SPECC1: variants seen among roughly 807,000 people sequenced by gnomAD.
SPECC1 encodes sperm antigen with calponin homology and coiled-coil domains 1, also known as cytospin-B.
In SPECC1, 62 loss-of-function variants were observed where a neutral mutation model predicts 104.1. That is an observed-to-expected ratio of 0.60 (90% CI 0.49 to 0.74). The LOEUF (loss-of-function observed/expected upper bound fraction) is 0.74, where lower values mean the gene tolerates loss of function less well. Ranked by LOEUF, SPECC1 falls within the 30% of genes least tolerant of loss-of-function variation. The pLI is 0.00. For synonymous variants in SPECC1, 513 were observed against 501.6 expected (o/e 1.02, Z -0.30); for missense variants, 1,306 against 1,310.5 (o/e 1.00, Z 0.05).
intron 12 of SPECC1, among the ~76,000 whole-genome samples, chr17:20,288,097 G>A (rs2041020383): frequency 6.6e-6 from 1 of 152,126 alleles, no homozygotes. Context: ...GGGGCTTCCA[G>A]CTCCATCCAT....
chr17:20,291,009 G>A (rs1214995825), intron 12 of SPECC1, among the ~76,000 whole-genome samples: 3 of 152,204 alleles, frequency 2.0e-5, no homozygotes, highest in African/African-American at 7.2e-5. Flanking sequence ...TGGAAAAGAA[G>A]GATTTAGCAA....
chr17:20,205,956 C>G, intron 4 of SPECC1, 44 bp downstream of exon 4: 1 of 1,559,410 alleles, frequency 6.4e-7, no homozygotes, highest in Non-Finnish European at 8.6e-7. Flanking sequence ...CATCCTTGTT[C>G]ACATTTCTGC....
chr17:20,082,331 T>C (rs941181692), intron 1 of SPECC1, among the ~76,000 whole-genome samples: 1 of 152,080 alleles, frequency 6.6e-6, no homozygotes, highest in Admixed American at 6.5e-5. Flanking sequence ...GAAGCAGACA[T>C]TGGAGTCAAA....
intron 1 of SPECC1, chr17:20,010,170 A>T (rs1452531863): frequency 6.7e-6 from 1 of 148,912 alleles, no homozygotes; most frequent in African/African-American, 2.5e-5. Context: ...TTCCTAAGGA[A>T]GTTTGACTCT....
intron 4 of SPECC1, among the ~76,000 whole-genome samples, chr17:20,221,633 T>C (rs1031535179): frequency 3.3e-5 from 5 of 152,162 alleles, no homozygotes; most frequent in African/African-American, 2.4e-5. Context: ...TGTATTTTTT[T>C]CATTAAAATT....
chr17:20,132,999 G>A (rs1157706134), intron 3 of SPECC1, among the ~76,000 whole-genome samples: 2 of 152,054 alleles, frequency 1.3e-5, no homozygotes, highest in African/African-American at 2.4e-5. Context: ...TCGGCCTCCC[G>A]AAGTTCTGGG....
chr17:20,295,120 A>G (rs1318111257), intron 12 of SPECC1, among the ~76,000 whole-genome samples: 2 of 151,226 alleles, frequency 1.3e-5, no homozygotes, highest in African/African-American at 4.9e-5. Flanking sequence ...TCCTGCACCC[A>G]TTAACTCATC....
intron 1 of SPECC1, among the ~76,000 whole-genome samples, chr17:20,038,617 G>A (rs546535694): frequency 6.6e-6 from 1 of 152,170 alleles, no homozygotes; most frequent in South Asian, 2.1e-4. Flanking sequence ...GGCCAGGCTG[G>A]TCTCGAACTC....
Position 20,257,551 on chromosome 17 carries a change from G to A in SPECC1, c.2781G>A (p.Gly927=). ...SLSRPPSLGF[G]DTRLLSASTR... Reference sequence around the variant, plus strand: ...GCAGACCCCCGTCTCTGGGCTTTGGGGACACAAGACTGCTGAGTGCTTCCA... The same window carrying A: ...GCAGACCCCCGTCTCTGGGCTTTGGAGACACAAGACTGCTGAGTGCTTCCA... The change falls in exon 11 of 15, where the codon GGG becomes GGA. Residue 927 remains glycine, a synonymous_variant. Coordinates refer to ENST00000395527, the MANE Select transcript of SPECC1 (RefSeq NM_001243439.2). The A allele has an allele frequency of 6.2e-7, 1 of 1,613,452 alleles. No individual in the cohort carries two copies. The highest frequency in any genetic ancestry group is 8.5e-7 in the Non-Finnish European group (1 of 1,179,862).
At chr17:20,083,600 C>G (rs2047064356) in intron 1 of SPECC1, among the ~76,000 whole-genome samples, 2 of 151,738 alleles carry the variant, frequency 1.3e-5, no homozygotes, top group Middle Eastern at 3.4e-3. Flanking sequence ...TTGCTGAGTA[C>G]TAGTCTAATG....
At chr17:20,093,726 G>GTTTTTT (rs10712428) in intron 1 of SPECC1, among the ~76,000 whole-genome samples, 2 of 143,478 alleles carry the variant, frequency 1.4e-5, no homozygotes, top group South Asian at 4.3e-4. Context: ...TTTTGTTTTT[G>GTTTTTT]TTTTTTGTTT....
rs138509415 is a variant in SPECC1, at chr17:20,166,110, C to T, written c.284-38223C>T. 9.2e-5 allele frequency among the ~76,000 whole-genome samples: 14 copies of T among 152,294 alleles called. No individual in the cohort carries two copies. The East Asian group carries it at 2.3e-3, about 25-fold the overall frequency. On this transcript the variant is annotated intron_variant, in intron 3 of 14. Coordinates refer to ENST00000395527, the MANE Select transcript of SPECC1 (RefSeq NM_001243439.2). Reference sequence around the variant, plus strand: ...AATAGTATCAGTTAAAAACACAATACACCACAGAGTGTCTTAAATGAGATA... The same window carrying T: ...AATAGTATCAGTTAAAAACACAATATACCACAGAGTGTCTTAAATGAGATA...
At chr17:20,222,839 C>T (rs966066498) in intron 4 of SPECC1, among the ~76,000 whole-genome samples, 1 of 152,150 alleles carries the variant, frequency 6.6e-6, no homozygotes, top group African/African-American at 2.4e-5. Context: ...GGGAAAGTCT[C>T]TATTTCTCTG....
intron 1 of SPECC1, among the ~76,000 whole-genome samples, chr17:20,071,647 T>C (rs2152482102): frequency 6.6e-6 from 1 of 152,316 alleles, no homozygotes; most frequent in East Asian, 1.9e-4. Flanking sequence ...AAAGCATGAA[T>C]TTGGGGGGCG....
At chr17:20,111,341 G>C (rs1567851226) in intron 3 of SPECC1, among the ~76,000 whole-genome samples, 3 of 152,106 alleles carry the variant, frequency 2.0e-5, no homozygotes, top group African/African-American at 7.2e-5. Context: ...ATTCAGGCTA[G>C]ATCTCAAAAG....
intron 1 of SPECC1, among the ~76,000 whole-genome samples, chr17:20,086,524 C>G (rs1395430244): frequency 6.6e-6 from 1 of 152,214 alleles, no homozygotes; most frequent in East Asian, 1.9e-4. Flanking sequence ...CCTCTGGCTT[C>G]TCTTGTTGGG....
At chr17:20,131,590 G>T (rs2049630791) in intron 3 of SPECC1, among the ~76,000 whole-genome samples, 1 of 150,660 alleles carries the variant, frequency 6.6e-6, no homozygotes, top group Non-Finnish European at 1.5e-5. Flanking sequence ...GCTAACAGTA[G>T]ACATCTTTGT....
chr17:20,097,132 A>T (rs1297513119), intron 2 of SPECC1, among the ~76,000 whole-genome samples: 1 of 152,092 alleles, frequency 6.6e-6, no homozygotes. Flanking sequence ...GCCCCCCACA[A>T]TCCAGTTGTA....
At chr17:20,139,151 T>G (rs2030418273) in intron 3 of SPECC1, among the ~76,000 whole-genome samples, 1 of 152,216 alleles carries the variant, frequency 6.6e-6, no homozygotes, top group Non-Finnish European at 1.5e-5. Flanking sequence ...GGGCTGCTAT[T>G]AAGGTCAAAG....
Sources: gnomAD v4.1 joint callset for allele counts (sites outside exome capture counted in the v4.1 genomes callset) on GRCh38, gnomAD v4.1.1 for gene constraint, MANE v1.5 for transcripts, NCBI Gene and HGNC (gene_info 2026-07-23, HGNC 2026-07-21) for gene names.